The following FERMT3 variants were observed in gnomAD, a reference collection of about 807,000 sequenced individuals.
The protein encoded by FERMT3 is fermitin family homolog 3.
In FERMT3, 33 loss-of-function variants were observed where a neutral mutation model predicts 80.8. The ratio of observed to expected loss-of-function variants is 0.41; its 90% CI spans 0.31 to 0.55. The LOEUF is 0.55. FERMT3 is among the 20% of genes least tolerant of loss of function. The pLI, the probability that FERMT3 is intolerant of heterozygous loss-of-function variation, is 0.31. For missense variants in FERMT3, 754 were observed against 908.7 expected, an observed-to-expected ratio of 0.83 and a Z score of 2.19; for synonymous variants, 375 against 372.2, an observed-to-expected ratio of 1.01 and a Z score of -0.09.
In FERMT3 at chr11:64,219,139, C is replaced by T. The variant is rs1946615439; in HGVS notation, c.787-112C>T. 1 of 1,007,312 alleles carries T rather than the reference C, an allele frequency of 9.9e-7. No homozygotes were observed. Among genetic ancestry groups the T allele is most frequent in the South Asian group, 1.4e-5 (1 of 71,336 alleles). 62.4% of individuals were successfully genotyped at this position (1,007,312 alleles called of 1,614,324 possible). On this transcript the variant is annotated intron_variant, in intron 6 of 14. Coordinates refer to ENST00000345728, the MANE Select transcript of FERMT3 (RefSeq NM_031471.6). The surrounding 1 kb of genome is among the most constrained non-coding windows in gnomAD (Gnocchi z 4.0). ...GTCTGGCCACTGAATGAATCTGCCT[C>T]AGCAAGGAGGGCAGGGCAGAGGGCC...
Position 64,211,449 on chromosome 11 carries a change from C to A in FERMT3, c.683+6C>A, listed in dbSNP as rs1424187875. On this transcript the variant is annotated splice_donor_region_variant and intron_variant, in intron 5 of 14. Transcript: ENST00000345728. The surrounding 1 kb of genome is among the most constrained non-coding windows in gnomAD (Gnocchi z 4.7). ...AAGACCCAGCTCCACAGCAGGTGCA[C>A]CCAGGAGCCACGCCCCCTGTGTCAG... 1 of 1,581,530 alleles carries A rather than the reference C, an allele frequency of 6.3e-7. No individual in the cohort carries two copies. Among genetic ancestry groups the A allele is most frequent in the South Asian group, 1.1e-5 (1 of 87,720 alleles).
intron 12 of FERMT3, 152 bp downstream of exon 12, chr11:64,220,821 T>A: frequency 7.8e-7 from 1 of 1,280,856 alleles, no homozygotes; most frequent in Non-Finnish European, 1.1e-6. Flanking sequence ...ACCCACCCTT[T>A]GGGAGGAGTC....
chr11:64,219,012 C>A lies in FERMT3; in HGVS notation c.787-239C>A, dbSNP rs1016224633. On this transcript the variant is annotated intron_variant, in intron 6 of 14. Transcript: ENST00000345728. This position sits in a 1 kb window ranked among gnomAD's most constrained non-coding sequence, Gnocchi z 4.0. ...CTGCACCCAGGGCAGCATGCCAGCA[C>A]ACAGTAAACATCAGCACAACCAAGC... Among the ~76,000 whole-genome samples, 1 of 152,234 alleles carries A rather than the reference C, an allele frequency of 6.6e-6. No homozygotes were observed. Among genetic ancestry groups the A allele is most frequent in the African/African-American group, 2.4e-5 (1 of 41,462 alleles).
In FERMT3 at chr11:64,211,801, A is replaced by C. The variant is rs935107222; in HGVS notation, c.786+54A>C. ...TCAGGTCCATGAGATGTGGAGACCT[A>C]GGGCCTGGGGTATGGGCTCTGGGAT... On this transcript the variant is annotated intron_variant, in intron 6 of 14. Transcript: ENST00000345728. This position sits in a 1 kb window ranked among gnomAD's most constrained non-coding sequence, Gnocchi z 4.7. 1.7e-5 allele frequency: 26 copies of C among 1,546,592 alleles called. No homozygotes were observed. Among genetic ancestry groups the C allele is most frequent in the Admixed American group, 6.7e-5 (4 of 59,724 alleles).
chr11:64,207,379 G>A lies in FERMT3; in HGVS notation c.15G>A (p.Lys5=). The A allele has an allele frequency of 1.2e-6, 2 of 1,614,178 alleles. No individual in the cohort carries two copies. Among genetic ancestry groups the A allele is most frequent in the East Asian group, 4.5e-5 (2 of 44,890 alleles). ...CAGCCGCAGCCATGGCGGGGATGAA[G>A]ACAGCCTCCGGGGACTACATCGACT... MAGM[K]TASGDYIDSS... is the part of the protein sequence containing the mutation. Residue 5 remains lysine (K), a synonymous_variant, in exon 2 of 15, where the codon AAG becomes AAA. Coordinates refer to ENST00000345728, the MANE Select transcript of FERMT3 (RefSeq NM_031471.6).
rs751458863 is a variant in FERMT3 at position 64,223,533 on chromosome 11, C to T, written c.*41C>T. ...CCCTGCCCTGCTCACCACCCTGTCA[C>T]AGCCACTCCCAAGCCCACACCCACA... On this transcript the variant is annotated 3_prime_UTR_variant, in exon 15 of 15. Coordinates refer to ENST00000345728, the MANE Select transcript of FERMT3 (RefSeq NM_031471.6). 7.6e-6 allele frequency: 12 copies of T among 1,573,728 alleles called. No individual in the cohort carries two copies. Among genetic ancestry groups the T allele is most frequent in the Non-Finnish European group, 1.0e-5 (12 of 1,165,002 alleles).
In FERMT3 at chr11:64,209,819, G is replaced by T. The variant is rs528242744; in HGVS notation, c.161-792G>T. Among the ~76,000 whole-genome samples the T allele has an allele frequency of 9.9e-5, 15 of 152,278 alleles. No homozygotes were observed. The South Asian group carries it at 3.1e-3, about 32-fold the overall frequency. ...CTTTGCAAACTCTCAAGGGCTGTGTGCCCAGAGCAGCTTTCCGGCAGCCTT... is the reference window on the plus strand; with the variant it reads ...CTTTGCAAACTCTCAAGGGCTGTGTTCCCAGAGCAGCTTTCCGGCAGCCTT... On this transcript the variant is annotated intron_variant, in intron 2 of 14. Transcript: ENST00000345728.
At position 64,220,451 on chromosome 11, in the gene FERMT3, C is replaced by T. The variant is rs777655891; in HGVS notation, c.1327C>T (p.Arg443Cys). Residue 443 changes from arginine (R) to cysteine (C), a missense_variant, in exon 12 of 15, where the codon CGC (arginine) becomes TGC (cysteine). Coordinates refer to ENST00000345728, the MANE Select transcript of FERMT3 (RefSeq NM_031471.6). ...LRCQDEQQYARWMAGCRLASK... is the reference protein window; with the variant it reads ...LRCQDEQQYACWMAGCRLASK... ...TCTCGCCCAGGAGCAGCAGTATGCC[C>T]GCTGGATGGCTGGCTGCCGCCTGGC... is the stretch of plus-strand genomic sequence containing the variant. 19 of 1,610,716 alleles carry T rather than the reference C, an allele frequency of 1.2e-5. No individual in the cohort carries two copies. Among genetic ancestry groups the T allele is most frequent in the South Asian group, 2.2e-5 (2 of 91,018 alleles).
intron 6 of FERMT3, among the ~76,000 whole-genome samples, chr11:64,213,782 G>A (rs927900758): frequency 2.6e-5 from 4 of 151,878 alleles, no homozygotes; most frequent in Non-Finnish European, 5.9e-5. Context: ...GACTGGTCTC[G>A]AACTCCTGAC....
At position 64,219,214 on chromosome 11, in the gene FERMT3, C is replaced by T. The variant is rs1366529769; in HGVS notation, c.787-37C>T. The T allele has an allele frequency of 6.5e-7, 1 of 1,544,646 alleles. No homozygotes were observed. Among genetic ancestry groups the T allele is most frequent in the African/African-American group, 1.4e-5 (1 of 72,910 alleles). On this transcript the variant is annotated intron_variant, in intron 6 of 14. Coordinates refer to ENST00000345728, the MANE Select transcript of FERMT3 (RefSeq NM_031471.6). The surrounding 1 kb of genome is among the most constrained non-coding windows in gnomAD (Gnocchi z 4.0). Reference sequence around the variant, plus strand: ...GGCGTCCAGGGCAGCTGGCATCTGACCAGCCCAGCCTCCAGCCTCCTCTCC... The same window carrying T: ...GGCGTCCAGGGCAGCTGGCATCTGATCAGCCCAGCCTCCAGCCTCCTCTCC...
Position 64,207,502 on chromosome 11 carries a change from C to G in FERMT3, c.138C>G (p.Leu46=), listed in dbSNP as rs765072715. The G allele has an allele frequency of 3.7e-6, 6 of 1,612,562 alleles. No individual in the cohort carries two copies. In the Admixed American group the frequency reaches 1.0e-4, roughly 27 times the overall value. The change falls in exon 2 of 15, where the codon CTC becomes CTG. Residue 46 remains leucine, a synonymous_variant. Transcript: ENST00000345728. ...GGGAGTCGCACATCGGCGGGGTGCT[C>G]CTGAAGATTGTGGAGCAGATCAGTG... ...VTGESHIGGV[L]LKIVEQINRK... is the part of the protein sequence containing the mutation.
chr11:64,220,745 C>T, intron 12 of FERMT3, 76 bp downstream of exon 12: 2 of 1,401,954 alleles, frequency 1.4e-6, no homozygotes, highest in Non-Finnish European at 2.0e-6. Flanking sequence ...TCCACAGAGC[C>T]TTCCTCAGGA....
rs1946638647 is a variant in FERMT3, at chr11:64,219,905, C to A, written c.1094C>A (p.Thr365Asn). ...HLRIFRPRKL[T>N]LKGYRQHWVV... is the part of the protein sequence containing the mutation. ...ATCCCACGAAGGCCCCGGAAGCTGA[C>A]CCTGAAGGGCTACCGCCAACACTGG... is the stretch of plus-strand genomic sequence containing the variant. Residue 365 changes from threonine to asparagine, a missense_variant, in exon 10 of 15, where the codon ACC (threonine) becomes AAC (asparagine). By Grantham distance (65) the Thr-to-Asn change is moderately conservative. Transcript: ENST00000345728. This position sits in a 1 kb window ranked among gnomAD's most constrained non-coding sequence, Gnocchi z 4.0. 1.9e-6 allele frequency: 3 copies of A among 1,613,874 alleles called. No individual in the cohort carries two copies. The highest frequency in any genetic ancestry group is 1.7e-6 in the Non-Finnish European group (2 of 1,180,032).
At chr11:64,220,709 A>T in intron 12 of FERMT3, 40 bp downstream of exon 12, 1 of 1,551,762 alleles carries the variant, frequency 6.4e-7, no homozygotes, top group Non-Finnish European at 8.8e-7. Context: ...CATAGTGTTT[A>T]CCCAGAGACC....
Position 64,223,638 on chromosome 11 carries a change from A to T in FERMT3, c.*146A>T. On this transcript the variant is annotated 3_prime_UTR_variant, in exon 15 of 15. Transcript: ENST00000345728. ...TGCTGTCACTGACTTTGTGCAGGCC[A>T]AGGACCTGGCAGGGCCAGACGCTGT... 2 of 1,061,708 alleles carry T rather than the reference A, an allele frequency of 1.9e-6. No homozygotes were observed. Among genetic ancestry groups the T allele is most frequent in the Non-Finnish European group, 2.8e-6 (2 of 722,762 alleles). 65.8% of individuals were successfully genotyped at this position (1,061,708 alleles called of 1,614,324 possible). A position where few individuals can be genotyped will look rare whatever the true frequency, so the allele number is the denominator to read the frequency against.
chr11:64,210,420 CAG>C lies in FERMT3; in HGVS notation c.161-190_161-189del, dbSNP rs1402466419. Among the ~76,000 whole-genome samples, 6 of 152,224 alleles carry C rather than the reference CAG, an allele frequency of 3.9e-5. No individual in the cohort carries two copies. Among genetic ancestry groups the C allele is most frequent in the Admixed American group, 6.5e-5 (1 of 15,284 alleles). On this transcript the variant is annotated intron_variant, in intron 2 of 14. Transcript: ENST00000345728. The surrounding 1 kb of genome is among the most constrained non-coding windows in gnomAD (Gnocchi z 4.3). ...AGAAGCCAAGCCTAGAAGGCCAAAT[CAG>C]GGGCTGCCTGCAGAGAGCCCTGCTG...
chr11:64,223,653 C>T lies in FERMT3; in HGVS notation c.*161C>T, dbSNP rs1946778098. ...TGTGCAGGCCAAGGACCTGGCAGGG[C>T]CAGACGCTGTACCATCACCCAGGCC... On this transcript the variant is annotated 3_prime_UTR_variant, in exon 15 of 15. Transcript: ENST00000345728. 2.1e-6 allele frequency: 2 copies of T among 932,262 alleles called. No individual in the cohort carries two copies. Among genetic ancestry groups the T allele is most frequent in the East Asian group, 5.3e-5 (2 of 38,022 alleles). The allele number at this position is 932,262 out of a possible 1,614,324, so 57.7% of individuals were successfully genotyped here.
In FERMT3 at chr11:64,211,699, A is replaced by G. The variant is rs952140823; in HGVS notation, c.738A>G (p.Ala246=). The G allele has an allele frequency of 6.2e-7, 1 of 1,613,938 alleles. No homozygotes were observed. The highest frequency in any genetic ancestry group is 8.5e-7 in the Non-Finnish European group (1 of 1,179,982). Residue 246 remains alanine, a synonymous_variant, in exon 6 of 15, where the codon GCA becomes GCG. Transcript: ENST00000345728. The surrounding 1 kb of genome is among the most constrained non-coding windows in gnomAD (Gnocchi z 4.7). ...AGCAGGGCATCAAGGCCGGGGACGC[A>G]CTCTGGCTGCGCTTCAAGTACTACA... ...LMQQGIKAGD[A]LWLRFKYYSF...
rs776484766 is a variant in FERMT3, at chr11:64,219,879, C to T, written c.1080-12C>T. On this transcript the variant is annotated splice_polypyrimidine_tract_variant and intron_variant, in intron 9 of 14. Transcript: ENST00000345728. This position sits in a 1 kb window ranked among gnomAD's most constrained non-coding sequence, Gnocchi z 4.0. ...TGAGGCGGCCTTTCACAAACCCCAG[C>T]ATCCCACGAAGGCCCCGGAAGCTGA... 2.5e-6 allele frequency: 4 copies of T among 1,613,856 alleles called. No homozygotes were observed. Among genetic ancestry groups the T allele is most frequent in the African/African-American group, 2.7e-5 (2 of 74,922 alleles).
Sources: allele counts gnomAD v4.1 joint callset (sites outside exome capture counted in the v4.1 genomes callset), GRCh38; gene constraint gnomAD v4.1.1; non-coding constraint Gnocchi (gnomAD v3.1); transcripts MANE v1.5; gene names NCBI Gene and HGNC (gene_info 2026-07-23, HGNC 2026-07-21).